The following LGR5 variants were observed in gnomAD, a reference collection of about 807,000 sequenced individuals.
LGR5 encodes the protein leucine rich repeat containing G protein-coupled receptor 5.
A neutral mutation model predicts 76.7 loss-of-function variants in LGR5; 54 were observed. The observed-to-expected ratio is 0.70, with a 90% confidence interval of 0.57 to 0.88. The LOEUF (loss-of-function observed/expected upper bound fraction) is 0.88. Ranked by LOEUF, LGR5 falls within the 40% of genes least tolerant of loss-of-function variation. The pLI is 0.00. For synonymous variants in LGR5, 406 were observed against 421.9 expected (o/e 0.96, Z 0.46); for missense variants, 1,078 against 1,073.3 (o/e 1.00, Z -0.06).
At chr12:71,453,914 AT>A (rs1872353830) in intron 1 of LGR5, among the ~76,000 whole-genome samples, 1 of 152,068 alleles carries the variant, frequency 6.6e-6, no homozygotes, top group Non-Finnish European at 1.5e-5. Flanking sequence ...GGCTAATATC[AT>A]TCCCTGAGAA....
chr12:71,443,611 T>A (rs1314680475), intron 1 of LGR5, among the ~76,000 whole-genome samples: 1 of 152,220 alleles, frequency 6.6e-6, no homozygotes, highest in Non-Finnish European at 1.5e-5. Context: ...AGTTCTAACA[T>A]CTAATCTTAG....
intron 1 of LGR5, among the ~76,000 whole-genome samples, chr12:71,451,106 A>G (rs561099535): frequency 6.6e-6 from 1 of 152,348 alleles, no homozygotes; most frequent in Admixed American, 6.5e-5. Flanking sequence ...AGGTTCAGAG[A>G]GATTCTGGCA....
Position 71,559,644 on chromosome 12 carries a change from CT to C in LGR5, c.777del (p.Glu261AsnfsTer2). 1 of 1,532,280 alleles carries C rather than the reference CT, an allele frequency of 6.5e-7. No homozygotes were observed. Among genetic ancestry groups the C allele is most frequent in the Non-Finnish European group, 9.0e-7 (1 of 1,106,976 alleles). The allele number at this position is 1,532,280 out of a possible 1,614,324, so 94.9% of individuals were successfully genotyped here. ...CACTGCAATTAGGACACTCTCCAAC[CT>C]TAAAGAACTGTAAGTATTTAGGACA... ...FPTAIRTLSN[L>X]KELGFHSNNI... On this transcript the variant is annotated frameshift_variant, in exon 7 of 18. Coordinates refer to ENST00000266674, the MANE Select transcript of LGR5 (RefSeq NM_003667.4). LOFTEE classifies it high-confidence loss of function.
intron 1 of LGR5, among the ~76,000 whole-genome samples, chr12:71,498,993 T>C (rs1013859469): frequency 1.1e-4 from 17 of 152,198 alleles, no homozygotes. Context: ...TGGGCACTGG[T>C]GTTACAAACA....
intron 1 of LGR5, among the ~76,000 whole-genome samples, chr12:71,475,712 C>T (rs550807558): frequency 3.4e-4 from 52 of 152,068 alleles, no homozygotes; most frequent in Admixed American, 3.1e-3. Context: ...CTCTTGGAAC[C>T]CTAACAAAAG....
At chr12:71,487,618 GC>G (rs1315939766) in intron 1 of LGR5, among the ~76,000 whole-genome samples, 2 of 152,214 alleles carry the variant, frequency 1.3e-5, no homozygotes, top group East Asian at 3.9e-4. Flanking sequence ...TCACTTTGTT[GC>G]CCAGGCTCAT....
At chr12:71,448,421 T>C (rs1211873180) in intron 1 of LGR5, 1 of 152,198 alleles carries the variant, frequency 6.6e-6, no homozygotes, top group Non-Finnish European at 1.5e-5. Flanking sequence ...AGGATATTAT[T>C]TTAAAGTTGG....
intron 6 of LGR5, 35 bp downstream of exon 6, chr12:71,556,725 G>A (rs1367749987): frequency 6.7e-7 from 1 of 1,481,516 alleles, no homozygotes; most frequent in African/African-American, 1.4e-5. Context: ...CCTTTTTTCA[G>A]TATTTTCATG....
chr12:71,474,367 T>C (rs1373752453), intron 1 of LGR5, among the ~76,000 whole-genome samples: 1 of 152,232 alleles, frequency 6.6e-6, no homozygotes, highest in Non-Finnish European at 1.5e-5. Flanking sequence ...ATGGTGACCA[T>C]GAATGATAAG....
chr12:71,482,258 A>G (rs1311915428), intron 1 of LGR5, among the ~76,000 whole-genome samples: 3 of 152,216 alleles, frequency 2.0e-5, no homozygotes, highest in Non-Finnish European at 4.4e-5. Flanking sequence ...TGGGACTGCC[A>G]TAACAAAGTA....
At chr12:71,473,505 G>C (rs1429036946) in intron 1 of LGR5, among the ~76,000 whole-genome samples, 1 of 151,984 alleles carries the variant, frequency 6.6e-6, no homozygotes, top group Non-Finnish European at 1.5e-5. Context: ...GGGGCATAAT[G>C]GCTCATGCCT....
chr12:71,570,604 G>A (rs7961238), intron 11 of LGR5, among the ~76,000 whole-genome samples: 28,958 of 151,748 alleles, frequency 0.19, 3,148 homozygotes, highest in East Asian at 0.44. Context: ...TGGGTGGGGG[G>A]GTATCTTTCA....
chr12:71,560,800 A>G (rs1170340227), intron 7 of LGR5, among the ~76,000 whole-genome samples: 2 of 152,166 alleles, frequency 1.3e-5, no homozygotes, highest in Non-Finnish European at 2.9e-5. Flanking sequence ...CTCAACAACA[A>G]CAAAGAAAAG....
At chr12:71,474,784 T>A (rs1352021176) in intron 1 of LGR5, among the ~76,000 whole-genome samples, 1 of 152,226 alleles carries the variant, frequency 6.6e-6, no homozygotes, top group Admixed American at 6.5e-5. Context: ...TAGCAACTGA[T>A]CGTCTTCTAG....
At chr12:71,564,688 A>G (rs1419790531) in intron 8 of LGR5, among the ~76,000 whole-genome samples, 1 of 146,682 alleles carries the variant, frequency 6.8e-6, no homozygotes, top group African/African-American at 2.5e-5. Flanking sequence ...ATACATATAT[A>G]CATATATGTA....
At chr12:71,478,367 A>G (rs1235413957) in intron 1 of LGR5, among the ~76,000 whole-genome samples, 1 of 152,220 alleles carries the variant, frequency 6.6e-6, no homozygotes, top group African/African-American at 2.4e-5. Flanking sequence ...AAGCCATGTT[A>G]TTGGGAGCTA....
intron 4 of LGR5, among the ~76,000 whole-genome samples, chr12:71,537,928 A>T (rs2137374006): frequency 6.6e-6 from 1 of 151,624 alleles, no homozygotes; most frequent in South Asian, 2.1e-4. Flanking sequence ...TTTTTTCTAC[A>T]TGGTTTCCCT....
upstream of LGR5, among the ~76,000 whole-genome samples, chr12:71,439,314 G>T (rs1042865138): frequency 8.5e-5 from 13 of 152,144 alleles, no homozygotes; most frequent in African/African-American, 2.7e-4. Flanking sequence ...TCCTTACCCT[G>T]ATAACGTAAC....
chr12:71,553,341 A>C (rs1213611491), intron 5 of LGR5, 53 bp downstream of exon 5: 18 of 1,482,182 alleles, frequency 1.2e-5, no homozygotes, highest in Non-Finnish European at 1.7e-5. Flanking sequence ...TCACTGGAAG[A>C]CCTTGGCCTT....
Sources: gnomAD v4.1 joint callset for allele counts (sites outside exome capture counted in the v4.1 genomes callset) on GRCh38, gnomAD v4.1.1 for gene constraint, MANE v1.5 for transcripts, NCBI Gene and HGNC (gene_info 2026-07-23, HGNC 2026-07-21) for gene names.